The following PTPRO variants were observed in gnomAD, a reference collection of about 807,000 sequenced individuals.
PTPRO encodes the protein protein tyrosine phosphatase receptor type O, also known as receptor-type tyrosine-protein phosphatase O.
PTPRO carries 62 observed loss-of-function variants against 145.2 expected under a neutral mutation model. The ratio of observed to expected loss-of-function variants is 0.43; its 90% CI spans 0.35 to 0.53. The LOEUF (loss-of-function observed/expected upper bound fraction) is 0.53, where lower values mean the gene tolerates loss of function less well. PTPRO is among the 20% of genes least tolerant of loss of function. The pLI is 0.01. For synonymous variants in PTPRO, 565 were observed against 514.7 expected, an observed-to-expected ratio of 1.10 and a Z score of -1.32; for missense variants, 1,345 against 1,482.7, an observed-to-expected ratio of 0.91 and a Z score of 1.53.
intron 1 of PTPRO, among the ~76,000 whole-genome samples, chr12:15,467,018 T>C (rs1183460947): frequency 2.0e-5 from 3 of 152,192 alleles, no homozygotes; most frequent in Non-Finnish European, 2.9e-5. Context: ...TATTACTTAA[T>C]CTTTCAGAGG....
At chr12:15,405,606 A>G (rs116314587) in intron 1 of PTPRO, among the ~76,000 whole-genome samples, 2 of 152,344 alleles carry the variant, frequency 1.3e-5, no homozygotes, top group African/African-American at 2.4e-5. Flanking sequence ...GGGAGAAGAT[A>G]ACAATATTAC....
chr12:15,501,528 A>G (rs1942220947), intron 4 of PTPRO, 92 bp from the exon 5 acceptor site: 2 of 1,188,902 alleles, frequency 1.7e-6, no homozygotes, highest in Middle Eastern at 2.8e-4. Flanking sequence ...CACTTTTAAA[A>G]ATCTGCTTGT....
chr12:15,327,586 C>T (rs1048612991), intron 1 of PTPRO, among the ~76,000 whole-genome samples: 1 of 152,144 alleles, frequency 6.6e-6, no homozygotes, highest in Non-Finnish European at 1.5e-5. Context: ...AATCCAAGGT[C>T]GTATAACCCA....
intron 1 of PTPRO, among the ~76,000 whole-genome samples, chr12:15,380,544 G>C (rs1418307716): frequency 6.6e-6 from 1 of 152,060 alleles, no homozygotes; most frequent in Non-Finnish European, 1.5e-5. Context: ...ATGGTATTTG[G>C]ATCATTCTAA....
At chr12:15,488,872 G>A (rs1941943496) in intron 2 of PTPRO, among the ~76,000 whole-genome samples, 1 of 152,162 alleles carries the variant, frequency 6.6e-6, no homozygotes, top group African/African-American at 2.4e-5. Context: ...TCAGAGGGAA[G>A]GGGTAGTTTC....
intron 9 of PTPRO, among the ~76,000 whole-genome samples, chr12:15,519,911 A>G (rs898843196): frequency 6.6e-6 from 1 of 152,186 alleles, no homozygotes; most frequent in African/African-American, 2.4e-5. Flanking sequence ...ACTTATAAAT[A>G]AGGACTGTTT....
At chr12:15,493,679 A>G (rs890119802) in intron 2 of PTPRO, among the ~76,000 whole-genome samples, 4 of 152,206 alleles carry the variant, frequency 2.6e-5, no homozygotes, top group African/African-American at 7.2e-5. Context: ...AAGAGGAACT[A>G]TCATACACTG....
chr12:15,588,578 G>A (rs750350583), intron 24 of PTPRO, among the ~76,000 whole-genome samples: 5 of 152,110 alleles, frequency 3.3e-5, no homozygotes, highest in African/African-American at 1.2e-4. Context: ...TATCTCAAAG[G>A]TCCCTGTGAG....
chr12:15,436,386 C>T lies in PTPRO; in HGVS notation c.76-47588C>T, dbSNP rs998694325. Among the ~76,000 whole-genome samples the T allele has an allele frequency of 2.1e-4, 32 of 152,230 alleles. 1 individual carries two copies. In the South Asian group the frequency reaches 3.5e-3, roughly 17 times the overall value. On this transcript the variant is annotated intron_variant, in intron 1 of 26. Coordinates refer to ENST00000281171, the MANE Select transcript of PTPRO (RefSeq NM_030667.3). ...AGTAGTAATTTCTTTTTTATTATTA[C>T]ATAAAAAACAAACATAATATAGTCT...
Position 15,433,496 on chromosome 12 carries a change from A to G in PTPRO, c.76-50478A>G, listed in dbSNP as rs955194271. On this transcript the variant is annotated intron_variant, in intron 1 of 26. Coordinates refer to ENST00000281171, the MANE Select transcript of PTPRO (RefSeq NM_030667.3). ...CCATGCCCAGCCAGTTTTAGGCTTTACATTTAAGTCTTTAATCCATCTTGA... is the reference window on the plus strand; with the variant it reads ...CCATGCCCAGCCAGTTTTAGGCTTTGCATTTAAGTCTTTAATCCATCTTGA... 5.9e-5 allele frequency among the ~76,000 whole-genome samples: 9 copies of G among 152,270 alleles called. No individual in the cohort carries two copies. In the South Asian group the frequency reaches 8.3e-4, roughly 14 times the overall value.
intron 12 of PTPRO, among the ~76,000 whole-genome samples, chr12:15,545,476 T>A (rs900344692): frequency 2.7e-5 from 4 of 149,538 alleles, no homozygotes; most frequent in African/African-American, 9.9e-5. Context: ...AAAGACAGGG[T>A]CACAAGCAGA....
At chr12:15,589,742 T>C (rs1944507440) in intron 25 of PTPRO, 152 bp downstream of exon 25, 3 of 923,516 alleles carry the variant, frequency 3.2e-6, no homozygotes, top group African/African-American at 3.3e-5. Context: ...CTTTGAGGCA[T>C]AAAAGAAATA....
intron 1 of PTPRO, among the ~76,000 whole-genome samples, chr12:15,463,669 C>G (rs1941354473): frequency 1.3e-5 from 2 of 152,088 alleles, no homozygotes; most frequent in African/African-American, 4.8e-5. Context: ...TCATTGTCTC[C>G]TAGCTATTCT....
intron 1 of PTPRO, among the ~76,000 whole-genome samples, chr12:15,360,883 T>TATATACACACGTGTGTATACAC (rs1565585664): frequency 5.9e-5 from 8 of 135,452 alleles, no homozygotes; most frequent in African/African-American, 1.9e-4. Flanking sequence ...TATACACACA[T>TATATACACACGTGTGTATACAC]ACACATGTGT....
At chr12:15,459,161 G>T (rs566436133) in intron 1 of PTPRO, among the ~76,000 whole-genome samples, 1 of 152,150 alleles carries the variant, frequency 6.6e-6, no homozygotes, top group Admixed American at 6.5e-5. Context: ...AAATTGAAAC[G>T]TTAAATATGT....
rs143997942 is a variant in PTPRO, at chr12:15,438,199, A to G, written c.76-45775A>G. On this transcript the variant is annotated intron_variant, in intron 1 of 26. Transcript: ENST00000281171. ...GTAATGACATTATAAGGAAAGAAAG[A>G]TAAAGGAAAAGTCCTACCTGTATGA... is the stretch of plus-strand genomic sequence containing the variant. 3.6e-3 allele frequency among the ~76,000 whole-genome samples: 555 copies of G among 152,264 alleles called. 2 individuals are homozygous for G. Among genetic ancestry groups the G allele is most frequent in the African/African-American group, 0.012 (511 of 41,546 alleles).
chr12:15,516,273 C>T (rs1454882948), intron 8 of PTPRO, among the ~76,000 whole-genome samples: 1 of 146,884 alleles, frequency 6.8e-6, no homozygotes, highest in Non-Finnish European at 1.5e-5. Flanking sequence ...AGGCATGAGC[C>T]ACCACACCCA....
chr12:15,545,092 A>C (rs964015645), intron 12 of PTPRO, among the ~76,000 whole-genome samples: 5 of 152,146 alleles, frequency 3.3e-5, no homozygotes, highest in Non-Finnish European at 7.4e-5. Flanking sequence ...AGTCACAATG[A>C]TGATATTCTA....
intron 1 of PTPRO, among the ~76,000 whole-genome samples, chr12:15,324,369 G>A (rs1866385879): frequency 6.6e-6 from 1 of 152,164 alleles, no homozygotes. Flanking sequence ...ACTTGGTTGG[G>A]AGTGGGGGTA....
Sources: allele counts gnomAD v4.1 joint callset (sites outside exome capture counted in the v4.1 genomes callset), GRCh38; gene constraint gnomAD v4.1.1; transcripts MANE v1.5; gene names NCBI Gene and HGNC (gene_info 2026-07-23, HGNC 2026-07-21).